Variants in SLC24A2 observed in about 807,000 individuals in gnomAD.
SLC24A2 encodes the protein solute carrier family 24 member 2, also known as sodium/potassium/calcium exchanger 2.
In SLC24A2, 36 loss-of-function variants were observed where a neutral mutation model predicts 62.0. The ratio of observed to expected loss-of-function variants is 0.58; its 90% confidence interval spans 0.44 to 0.77. The LOEUF (loss-of-function observed/expected upper bound fraction) is 0.77, where lower values mean the gene tolerates loss of function less well. SLC24A2 is among the 30% of genes least tolerant of loss of function. The pLI, the probability that SLC24A2 is intolerant of heterozygous loss-of-function variation, is 0.00. For missense variants in SLC24A2, 846 were observed against 817.9 expected, an observed-to-expected ratio of 1.03 and a Z score of -0.42; for synonymous variants, 358 against 294.0, an observed-to-expected ratio of 1.22 and a Z score of -2.23.
chr9:19,668,069 AG>A (rs1819308615), intron 2 of SLC24A2, among the ~76,000 whole-genome samples: 1 of 152,108 alleles, frequency 6.6e-6, no homozygotes, highest in African/African-American at 2.4e-5. Context: ...TTGGATGTGG[AG>A]GCTCTTTCTA....
At chr9:19,569,748 A>G (rs1835785324) in intron 7 of SLC24A2, among the ~76,000 whole-genome samples, 1 of 152,084 alleles carries the variant, frequency 6.6e-6, no homozygotes, top group South Asian at 2.1e-4. Context: ...CATGATCTAC[A>G]AGACCTACCA....
the SLC24A2 span, among the ~76,000 whole-genome samples, chr9:19,987,048 A>G: frequency 2.0e-5 from 3 of 152,126 alleles, no homozygotes; most frequent in Non-Finnish European, 4.4e-5. Flanking sequence ...GAACAGGAGA[A>G]TGGTAATAGA....
intron 2 of SLC24A2, among the ~76,000 whole-genome samples, chr9:19,630,083 A>C (rs1219149968): frequency 6.6e-6 from 1 of 152,226 alleles, no homozygotes; most frequent in Non-Finnish European, 1.5e-5. Flanking sequence ...GTAGGTAGTC[A>C]TTATTAGATC....
At chr9:20,150,322 G>A in the SLC24A2 span, among the ~76,000 whole-genome samples, 3 of 151,936 alleles carry the variant, frequency 2.0e-5, no homozygotes, top group Non-Finnish European at 4.4e-5. Flanking sequence ...ATATCAGCAA[G>A]AGACAGCCAC....
At chr9:20,146,299 T>G in the SLC24A2 span, among the ~76,000 whole-genome samples, 1 of 152,102 alleles carries the variant, frequency 6.6e-6, no homozygotes, top group Admixed American at 6.6e-5. Flanking sequence ...GTCTGAGTCG[T>G]GTTGAGAGAA....
the SLC24A2 span, among the ~76,000 whole-genome samples, chr9:20,001,544 A>C: frequency 6.6e-6 from 1 of 152,196 alleles, no homozygotes; most frequent in African/African-American, 2.4e-5. Context: ...TCACATGGGA[A>C]TCAAAAATAG....
intron 7 of SLC24A2, among the ~76,000 whole-genome samples, chr9:19,561,161 C>G (rs1362810269): frequency 6.6e-6 from 1 of 151,652 alleles, no homozygotes; most frequent in African/African-American, 2.4e-5. Flanking sequence ...AACTCTTGAC[C>G]TCAAGTGATC....
chr9:19,541,459 C>G (rs1321728009), intron 8 of SLC24A2, among the ~76,000 whole-genome samples: 1 of 151,442 alleles, frequency 6.6e-6, no homozygotes, highest in Non-Finnish European at 1.5e-5. Flanking sequence ...GTTGGAATAC[C>G]CTGCAGTGTG....
At chr9:19,803,751 G>A in the SLC24A2 span, among the ~76,000 whole-genome samples, 1 of 152,114 alleles carries the variant, frequency 6.6e-6, no homozygotes, top group African/African-American at 2.4e-5. Flanking sequence ...GTCAGCTTAT[G>A]GTGCTAGAGT....
chr9:20,098,020 G>C, the SLC24A2 span, among the ~76,000 whole-genome samples: 3 of 148,330 alleles, frequency 2.0e-5, no homozygotes, highest in South Asian at 6.4e-4. Flanking sequence ...GGGATTACAG[G>C]CGGAGCCACC....
At chr9:20,302,090 A>G in the SLC24A2 span, among the ~76,000 whole-genome samples, 1 of 152,232 alleles carries the variant, frequency 6.6e-6, no homozygotes, top group Non-Finnish European at 1.5e-5. Context: ...AACGCTGAAT[A>G]ATATTCCATT....
chr9:19,563,509 T>C (rs1330285227), intron 7 of SLC24A2, among the ~76,000 whole-genome samples: 1 of 152,224 alleles, frequency 6.6e-6, no homozygotes, highest in Non-Finnish European at 1.5e-5. Context: ...AAAGACATCA[T>C]ATGAATTCAG....
chr9:19,850,946 C>CATATATATATATATAT, the SLC24A2 span, among the ~76,000 whole-genome samples: 5 of 24,716 alleles, frequency 2.0e-4, no homozygotes, highest in African/African-American at 3.4e-4. Context: ...TATATATATA[C>CATATATATATATATAT]ATATATATAT....
chr9:19,551,460 A>G (rs1472491639), intron 7 of SLC24A2, among the ~76,000 whole-genome samples: 3 of 152,154 alleles, frequency 2.0e-5, no homozygotes, highest in African/African-American at 4.8e-5. Flanking sequence ...TGAGCCCTCA[A>G]TACTTCCAAA....
the SLC24A2 span, among the ~76,000 whole-genome samples, chr9:20,030,787 T>C: frequency 1.3e-5 from 2 of 152,172 alleles, no homozygotes; most frequent in African/African-American, 4.8e-5. Flanking sequence ...TTAGTAACTA[T>C]TTAGTGAAAT....
At chr9:20,140,139 T>C in the SLC24A2 span, among the ~76,000 whole-genome samples, 22 of 152,296 alleles carry the variant, frequency 1.4e-4, no homozygotes, top group Non-Finnish European at 2.4e-4. Context: ...GAGAGAGTTG[T>C]TTGTTTAGAA....
At chr9:20,009,862 C>T in the SLC24A2 span, among the ~76,000 whole-genome samples, 12 of 152,164 alleles carry the variant, frequency 7.9e-5, no homozygotes, top group African/African-American at 2.9e-4. Flanking sequence ...AAGCCCATAC[C>T]CACACATATC....
chr9:19,622,955 C>T (rs747090631), intron 2 of SLC24A2, among the ~76,000 whole-genome samples: 6 of 152,086 alleles, frequency 3.9e-5, no homozygotes, highest in Non-Finnish European at 7.4e-5. Context: ...CCTTCTGTTC[C>T]CATCACCTCA....
At chr9:19,711,709 C>CT (rs1259452686) in intron 2 of SLC24A2, among the ~76,000 whole-genome samples, 1 of 152,228 alleles carries the variant, frequency 6.6e-6, no homozygotes. Flanking sequence ...TCTGAATATA[C>CT]TTTCTTCTTT....
Sources: allele counts gnomAD v4.1 joint callset (sites outside exome capture counted in the v4.1 genomes callset), GRCh38; gene constraint gnomAD v4.1.1; transcripts MANE v1.5; gene names NCBI Gene and HGNC (gene_info 2026-07-23, HGNC 2026-07-21).